ROBO1: variants seen among roughly 807,000 people sequenced by gnomAD.
ROBO1 encodes roundabout guidance receptor 1.
A neutral mutation model predicts 195.9 loss-of-function variants in ROBO1; 149 were observed. That is an observed-to-expected ratio of 0.76 (90% CI 0.67 to 0.87). The LOEUF is 0.87. ROBO1 is among the 40% of genes least tolerant of loss of function. The pLI is 0.00. For synonymous variants in ROBO1, 816 were observed against 733.2 expected (o/e 1.11, Z -1.82); for missense variants, 1,933 against 2,068.3 (o/e 0.93, Z 1.27).
intron 2 of ROBO1, among the ~76,000 whole-genome samples, chr3:79,551,980 TAAAAAAAAAAAAAAAAAA>T (rs771824432): frequency 9.0e-5 from 4 of 44,222 alleles, no homozygotes; most frequent in East Asian, 1.8e-3. Flanking sequence ...TCTACAGAGT[TAAAAAAAAAAAAAAAAAA>T]AAAAAAAAAA....
rs1178972566 is a variant in ROBO1 at position 79,530,802 on chromosome 3, CACAT to C, written c.88+59018_88+59021del. ...ACACACACACACACACACACACACA[CACAT>C]CCTTCCCTGGATTCCCAGTGTTCTT... On this transcript the variant is annotated intron_variant, in intron 2 of 30. Coordinates refer to ENST00000464233, the MANE Select transcript of ROBO1 (RefSeq NM_002941.4). 7.5e-4 allele frequency among the ~76,000 whole-genome samples: 100 copies of C among 133,622 alleles called. 1 individual carries two copies. Among genetic ancestry groups the C allele is most frequent in the African/African-American group, 2.7e-3 (92 of 34,164 alleles). The allele number at this position is 133,622 out of a possible 152,430, so 87.7% of individuals were successfully genotyped here. A position where few individuals can be genotyped will look rare whatever the true frequency, so the allele number is the denominator to read the frequency against.
intron 2 of ROBO1, among the ~76,000 whole-genome samples, chr3:79,394,104 A>G (rs1476293693): frequency 6.6e-6 from 1 of 152,088 alleles, no homozygotes; most frequent in Non-Finnish European, 1.5e-5. Flanking sequence ...GTTGGCAATA[A>G]GCCCCCTGCT....
chr3:79,406,652 GGT>G (rs2106821283), intron 2 of ROBO1, among the ~76,000 whole-genome samples: 2 of 151,872 alleles, frequency 1.3e-5, no homozygotes, highest in Admixed American at 1.3e-4. Context: ...CTAAAGATAA[GGT>G]GTTTCAGCCA....
At chr3:79,095,193 T>C (rs746432140) in intron 3 of ROBO1, among the ~76,000 whole-genome samples, 6 of 151,998 alleles carry the variant, frequency 3.9e-5, no homozygotes, top group Non-Finnish European at 8.8e-5. Flanking sequence ...GGTATGCAAA[T>C]TTTTTGATAT....
chr3:79,377,189 G>GA (rs2036415494), intron 2 of ROBO1, among the ~76,000 whole-genome samples: 1 of 151,144 alleles, frequency 6.6e-6, no homozygotes, highest in African/African-American at 2.4e-5. Flanking sequence ...TATTAAAAAA[G>GA]AAAAAAAGAC....
At chr3:79,719,512 G>A (rs13060873) in intron 1 of ROBO1, among the ~76,000 whole-genome samples, 43,090 of 151,994 alleles carry the variant, frequency 0.28, 7,658 homozygotes, top group East Asian at 0.57. Flanking sequence ...TAAATAGAAC[G>A]TCTTCTTATA....
chr3:79,398,731 G>A (rs1008994749), intron 2 of ROBO1, among the ~76,000 whole-genome samples: 2 of 151,718 alleles, frequency 1.3e-5, no homozygotes, highest in African/African-American at 2.4e-5. Context: ...ATTTCTCTCC[G>A]GTAATTACAA....
chr3:78,901,280 G>C (rs545300299), intron 4 of ROBO1, among the ~76,000 whole-genome samples: 110 of 152,204 alleles, frequency 7.2e-4, no homozygotes, highest in African/African-American at 2.4e-3. Context: ...GCAAATATTA[G>C]GAAGCTAATT....
chr3:78,712,032 A>C (rs6804854), intron 8 of ROBO1, among the ~76,000 whole-genome samples: 36,515 of 140,508 alleles, frequency 0.26, 5,854 homozygotes, highest in African/African-American at 0.28. Context: ...AAAAAAAAAA[A>C]AAAAAAAAAA....
chr3:79,252,425 A>T (rs576386762), intron 2 of ROBO1, among the ~76,000 whole-genome samples: 1 of 152,278 alleles, frequency 6.6e-6, no homozygotes, highest in African/African-American at 2.4e-5. Context: ...TCACGAACTA[A>T]GGAAGGCCAA....
At chr3:79,261,907 A>G (rs1021848269) in intron 2 of ROBO1, among the ~76,000 whole-genome samples, 2 of 152,066 alleles carry the variant, frequency 1.3e-5, no homozygotes, top group Non-Finnish European at 2.9e-5. Context: ...TAATTGATCT[A>G]TAGAAATTAG....
intron 4 of ROBO1, among the ~76,000 whole-genome samples, chr3:78,782,202 TTTC>T (rs1233549634): frequency 2.6e-5 from 4 of 152,084 alleles, no homozygotes; most frequent in Non-Finnish European, 5.9e-5. Context: ...TTCTTTTTTT[TTTC>T]TTCTTTTTTG....
chr3:79,504,129 T>C (rs1033604126), intron 2 of ROBO1, among the ~76,000 whole-genome samples: 3 of 152,162 alleles, frequency 2.0e-5, no homozygotes, highest in Non-Finnish European at 4.4e-5. Flanking sequence ...AAATCTAAGT[T>C]AAATTTAGAT....
chr3:79,594,275 T>C (rs1944095097), intron 1 of ROBO1, among the ~76,000 whole-genome samples: 1 of 152,040 alleles, frequency 6.6e-6, no homozygotes, highest in Non-Finnish European at 1.5e-5. Flanking sequence ...TTGTATGTTC[T>C]CTCAGTATTA....
At chr3:78,602,189 C>T (rs942261538) in intron 29 of ROBO1, among the ~76,000 whole-genome samples, 1 of 152,000 alleles carries the variant, frequency 6.6e-6, no homozygotes, top group South Asian at 2.1e-4. Context: ...GAGGCAGATA[C>T]CTCATGGATC....
chr3:78,651,633 T>G, intron 19 of ROBO1, 99 bp downstream of exon 19: 2 of 965,672 alleles, frequency 2.1e-6, no homozygotes, highest in Non-Finnish European at 2.9e-6. Flanking sequence ...TTAAAACAAG[T>G]TTTAGAGGAT....
At chr3:79,336,187 G>T (rs963935506) in intron 2 of ROBO1, among the ~76,000 whole-genome samples, 3 of 152,204 alleles carry the variant, frequency 2.0e-5, no homozygotes, top group African/African-American at 4.8e-5. Flanking sequence ...GCCCACTGCA[G>T]AAATTTGCAT....
chr3:79,397,330 G>T (rs2037194705), intron 2 of ROBO1, among the ~76,000 whole-genome samples: 1 of 151,890 alleles, frequency 6.6e-6, no homozygotes, highest in South Asian at 2.1e-4. Context: ...CTCTTCAGAA[G>T]CCAGACACAT....
At chr3:79,444,167 C>G (rs1195283490) in intron 2 of ROBO1, among the ~76,000 whole-genome samples, 1 of 151,858 alleles carries the variant, frequency 6.6e-6, no homozygotes, top group East Asian at 1.9e-4. Flanking sequence ...TTGAGAATTT[C>G]TTTTCATGAA....
Sources: gnomAD v4.1 joint callset for allele counts (sites outside exome capture counted in the v4.1 genomes callset) on GRCh38, gnomAD v4.1.1 for gene constraint, MANE v1.5 for transcripts, NCBI Gene and HGNC (gene_info 2026-07-23, HGNC 2026-07-21) for gene names.